The following KLF7 variants were observed in gnomAD, a reference collection of about 807,000 sequenced individuals.
KLF7 encodes KLF transcription factor 7.
In KLF7, 2 loss-of-function variants were observed where a neutral mutation model predicts 27.3. That is an observed-to-expected ratio of 0.07 (90% confidence interval 0.03 to 0.23). KLF7 has a LOEUF of 0.23. KLF7 is among the 10% of genes least tolerant of loss of function. The probability of loss-of-function intolerance (pLI) is 1.00; values close to 1 mark genes in which losing one functional copy is unlikely to be tolerated. For synonymous variants in KLF7, 165 were observed against 162.4 expected, an observed-to-expected ratio of 1.02 and a Z score of -0.12; for missense variants, 221 against 394.1, an observed-to-expected ratio of 0.56 and a Z score of 3.72.
upstream of KLF7, chr2:207,167,210 G>C: frequency 7.6e-7 from 1 of 1,319,362 alleles, no homozygotes; most frequent in Middle Eastern, 1.9e-4. Flanking sequence ...TCGTTTTCTG[G>C]AGTTGGGATG....
chr2:207,129,439 G>A (rs925789531), intron 1 of KLF7, among the ~76,000 whole-genome samples: 1 of 152,136 alleles, frequency 6.6e-6, no homozygotes, highest in South Asian at 2.1e-4. Context: ...AGTGCAAAGT[G>A]ATTTTCCTCT....
At chr2:207,099,002 C>A (rs2076695448) in intron 2 of KLF7, among the ~76,000 whole-genome samples, 1 of 151,994 alleles carries the variant, frequency 6.6e-6, no homozygotes, top group Non-Finnish European at 1.5e-5. Flanking sequence ...ACAACACGTT[C>A]CAAGCATGGG....
At chr2:207,165,006 G>GC (rs1191928846) in intron 1 of KLF7, among the ~76,000 whole-genome samples, 1 of 56,148 alleles carries the variant, frequency 1.8e-5, no homozygotes, top group Non-Finnish European at 3.9e-5. Flanking sequence ...ACCCTCCCCC[G>GC]CCCCCCATCC....
chr2:207,091,981 G>C (rs1452897570), intron 2 of KLF7, among the ~76,000 whole-genome samples: 1 of 151,154 alleles, frequency 6.6e-6, no homozygotes, highest in African/African-American at 2.4e-5. Context: ...AAAAAAGAAA[G>C]GCTTTCTTTA....
intron 1 of KLF7, among the ~76,000 whole-genome samples, chr2:207,165,251 C>G (rs1290333658): frequency 6.6e-6 from 1 of 152,130 alleles, no homozygotes; most frequent in East Asian, 1.9e-4. Context: ...GCAGCTCGCA[C>G]CGGCTGCTCA....
intron 3 of KLF7, among the ~76,000 whole-genome samples, chr2:207,082,327 G>T (rs1258085873): frequency 6.6e-6 from 1 of 152,148 alleles, no homozygotes; most frequent in Non-Finnish European, 1.5e-5. Context: ...TGGAGTGACT[G>T]GTGTCTATAC....
At chr2:207,147,171 T>C (rs745793340) in intron 1 of KLF7, among the ~76,000 whole-genome samples, 6 of 152,214 alleles carry the variant, frequency 3.9e-5, no homozygotes, top group Non-Finnish European at 7.3e-5. Flanking sequence ...ACTGTAATTA[T>C]AGACAGTGGT....
chr2:207,119,087 A>AGAATGCTTATCACC (rs1343746849), intron 2 of KLF7, among the ~76,000 whole-genome samples: 1 of 152,234 alleles, frequency 6.6e-6, no homozygotes, highest in African/African-American at 2.4e-5. Flanking sequence ...CAAAATCTAG[A>AGAATGCTTATCACC]GAATGCTTAT....
intron 2 of KLF7, among the ~76,000 whole-genome samples, chr2:207,108,354 CTTA>C (rs1382743507): frequency 6.6e-6 from 1 of 152,122 alleles, no homozygotes; most frequent in Non-Finnish European, 1.5e-5. Context: ...ATTCTAACGA[CTTA>C]TTAAGATTAT....
Position 207,088,440 on chromosome 2 carries a change from A to G in KLF7, c.857+18T>C. The G allele has an allele frequency of 6.2e-7, 1 of 1,612,220 alleles. No homozygotes were observed. ...CCCATCTCTCCTCCCTAGCCCATCA[A>G]CTTCTACTTCTCTTTACCTGTCGCA... On this transcript the variant is annotated intron_variant, in intron 3 of 3. Transcript: ENST00000309446.
chr2:207,095,465 A>G (rs570747286), intron 2 of KLF7, among the ~76,000 whole-genome samples: 7 of 152,330 alleles, frequency 4.6e-5, no homozygotes, highest in Non-Finnish European at 8.8e-5. Context: ...CATATCCTCA[A>G]TGAGGTACAG....
intron 2 of KLF7, among the ~76,000 whole-genome samples, chr2:207,094,800 T>G (rs1057314532): frequency 1.3e-5 from 2 of 152,202 alleles, no homozygotes; most frequent in Admixed American, 1.3e-4. Context: ...TAAATATTTT[T>G]TTTCAAGGTT....
intron 1 of KLF7, among the ~76,000 whole-genome samples, chr2:207,158,483 C>A (rs1423503234): frequency 6.6e-6 from 1 of 152,116 alleles, no homozygotes; most frequent in East Asian, 1.9e-4. Context: ...TGGTGAGGTG[C>A]CAGAAACAAA....
chr2:207,082,780 G>A (rs1171015623), intron 3 of KLF7, among the ~76,000 whole-genome samples: 1 of 152,162 alleles, frequency 6.6e-6, no homozygotes, highest in Non-Finnish European at 1.5e-5. Flanking sequence ...CACTGTTCAG[G>A]TTAGCAGGGT....
chr2:207,106,463 T>C (rs890878800), intron 2 of KLF7, among the ~76,000 whole-genome samples: 1 of 152,090 alleles, frequency 6.6e-6, no homozygotes, highest in Non-Finnish European at 1.5e-5. Context: ...TGAAAAAAAA[T>C]TGATTGAAAG....
chr2:207,142,579 G>A (rs1446315594), intron 1 of KLF7, among the ~76,000 whole-genome samples: 4 of 152,302 alleles, frequency 2.6e-5, no homozygotes, highest in Non-Finnish European at 5.9e-5. Context: ...ACACAGAGAA[G>A]GAACCCACTC....
intron 1 of KLF7, chr2:207,149,145 A>G (rs1160270995): frequency 1.6e-6 from 2 of 1,287,872 alleles, no homozygotes; most frequent in East Asian, 5.6e-5. Context: ...TTGATTTCAT[A>G]GTCAATAATA....
At chr2:207,154,442 C>T (rs1439005702) in intron 1 of KLF7, among the ~76,000 whole-genome samples, 4 of 152,150 alleles carry the variant, frequency 2.6e-5, no homozygotes, top group Admixed American at 6.5e-5. Context: ...GCCCAGTTTC[C>T]GGGCACAAAG....
chr2:207,144,029 C>T (rs1035558361), intron 1 of KLF7, among the ~76,000 whole-genome samples: 9 of 151,992 alleles, frequency 5.9e-5, no homozygotes, highest in African/African-American at 1.9e-4. Context: ...GGCAGGCTGG[C>T]TCCAGGGGAA....
Sources: gnomAD v4.1 joint callset for allele counts (sites outside exome capture counted in the v4.1 genomes callset) on GRCh38, gnomAD v4.1.1 for gene constraint, MANE v1.5 for transcripts, NCBI Gene and HGNC (gene_info 2026-07-23, HGNC 2026-07-21) for gene names.